Variants in ELF1 observed in about 807,000 individuals in gnomAD.
ELF1 encodes ETS-related transcription factor Elf-1.
A neutral mutation model predicts 59.9 loss-of-function variants in ELF1; 24 were observed. The ratio of observed to expected loss-of-function variants is 0.40; its 90% CI spans 0.29 to 0.56. The LOEUF (loss-of-function observed/expected upper bound fraction) is 0.56. Among genes scored for constraint, ELF1 ranks in the 20% least tolerant of loss-of-function variants. ELF1 has a pLI of 0.44. For synonymous variants in ELF1, 248 were observed against 266.2 expected (o/e 0.93, Z 0.67); for missense variants, 627 against 742.2 (o/e 0.84, Z 1.80).
intron 1 of ELF1, among the ~76,000 whole-genome samples, chr13:41,010,836 T>A (rs1875023115): frequency 1.3e-5 from 2 of 152,178 alleles, no homozygotes; most frequent in Admixed American, 1.3e-4. Context: ...TTTCCATTTG[T>A]TCTTTGTCCA....
At position 40,956,571 on chromosome 13, in the gene ELF1, CAAAAAAA is replaced by C. The variant is rs34245662; in HGVS notation, c.253+2258_253+2264del. Reference sequence around the variant, plus strand: ...TCTGCGAGAAACACCCAAGAATGATCAAAAAAAAAAAAAAAAAAAAAAAGAAAGTTGG... The same window carrying C: ...TCTGCGAGAAACACCCAAGAATGATCAAAAAAAAAAAAAAAAGAAAGTTGG... On this transcript the variant is annotated intron_variant, in intron 3 of 8. Transcript: ENST00000239882. 5.1e-3 allele frequency among the ~76,000 whole-genome samples: 389 copies of C among 76,164 alleles called. 6 individuals are homozygous for C. In the East Asian group the frequency reaches 0.071, roughly 14 times the overall value. The allele number at this position is 76,164 out of a possible 152,430, so 50.0% of individuals were successfully genotyped here.
At position 40,958,945 on chromosome 13, in the gene ELF1, A is replaced by G. The variant is rs374454604; in HGVS notation, c.144T>C (p.Tyr48=). 4.2e-5 allele frequency: 67 copies of G among 1,613,788 alleles called. No individual in the cohort carries two copies. The highest frequency in any genetic ancestry group is 5.5e-5 in the Non-Finnish European group (65 of 1,179,950). ...HVPGADILNS[Y]AGLACVEEPN... ...GCTCTTCCACACAGGCTAGACCGGCATAACTATTGAGAATATCAGCACCAG... is the reference window on the plus strand; with the variant it reads ...GCTCTTCCACACAGGCTAGACCGGCGTAACTATTGAGAATATCAGCACCAG... The change falls in exon 3 of 9, where the codon TAT becomes TAC. Residue 48 remains tyrosine (Y), a synonymous_variant. Coordinates refer to ENST00000239882, the MANE Select transcript of ELF1 (RefSeq NM_172373.4).
chr13:40,994,796 T>C (rs1230056339), intron 1 of ELF1, among the ~76,000 whole-genome samples: 1 of 152,208 alleles, frequency 6.6e-6, no homozygotes, highest in Non-Finnish European at 1.5e-5. Flanking sequence ...ACAAACAAGA[T>C]TTAACTTGCA....
chr13:41,010,051 GAA>G lies in ELF1; in HGVS notation c.-229+9175_-229+9176del, dbSNP rs140514209. ...GAGTCTTTTCTCAGAATAGCATATT[GAA>G]AAAAAAAAAAACTCCCTGGGATTTT... On this transcript the variant is annotated intron_variant, in intron 1 of 8. Transcript: ENST00000239882. Among the ~76,000 whole-genome samples the G allele has an allele frequency of 3.9e-4, 51 of 131,070 alleles. No individual in the cohort carries two copies. The East Asian group carries it at 9.3e-3, about 24-fold the overall frequency. 86.0% of individuals were successfully genotyped at this position (131,070 alleles called of 152,430 possible).
At chr13:40,971,505 C>T (rs1489065969) in intron 2 of ELF1, among the ~76,000 whole-genome samples, 3 of 152,210 alleles carry the variant, frequency 2.0e-5, no homozygotes, top group Non-Finnish European at 4.4e-5. Flanking sequence ...TCTGCCTTGG[C>T]TTCCCAGAGT....
chr13:40,947,600 C>T (rs571991200), intron 5 of ELF1, among the ~76,000 whole-genome samples: 89 of 152,262 alleles, frequency 5.8e-4, no homozygotes, highest in Middle Eastern at 3.4e-3. Flanking sequence ...TAGGAATTGC[C>T]AGCCAAGTAA....
intron 1 of ELF1, among the ~76,000 whole-genome samples, chr13:40,993,722 C>T (rs982214548): frequency 1.3e-5 from 2 of 152,060 alleles, no homozygotes; most frequent in African/African-American, 4.8e-5. Flanking sequence ...TGAGCTCAAG[C>T]AATCCTCCCG....
At chr13:40,939,238 C>T (rs903644685) in intron 8 of ELF1, among the ~76,000 whole-genome samples, 2 of 152,066 alleles carry the variant, frequency 1.3e-5, no homozygotes, top group African/African-American at 4.8e-5. Context: ...CTGCTTGAGT[C>T]CTGGAAGTAG....
rs1173202849 is a variant in ELF1 at position 41,019,245 on chromosome 13, C to G, written c.-246G>C. On this transcript the variant is annotated 5_prime_UTR_variant, in exon 1 of 9. Coordinates refer to ENST00000239882, the MANE Select transcript of ELF1 (RefSeq NM_172373.4). ...CAAGTTACCTTCAAGTATTCTTTCT[C>G]TATCGTCTTTTGAGCTTGAAAATAA... 1.0e-6 allele frequency: 1 copy of G among 985,330 alleles called. No individual in the cohort carries two copies. The highest frequency in any genetic ancestry group is 6.1e-5 in the Admixed American group (1 of 16,266). 61.0% of individuals were successfully genotyped at this position (985,330 alleles called of 1,614,324 possible).
At chr13:40,954,378 G>A (rs1001695695) in intron 3 of ELF1, among the ~76,000 whole-genome samples, 5 of 151,096 alleles carry the variant, frequency 3.3e-5, no homozygotes, top group African/African-American at 1.2e-4. Context: ...TCTTGTGACA[G>A]TGAATGAGTT....
At chr13:41,052,995 G>A (rs918162691) in intron 1 of ELF1, among the ~76,000 whole-genome samples, 12 of 152,074 alleles carry the variant, frequency 7.9e-5, no homozygotes, top group African/African-American at 2.9e-4. Flanking sequence ...AAATAAAACC[G>A]AACACTTAAA....
intron 1 of ELF1, among the ~76,000 whole-genome samples, chr13:40,983,724 A>T (rs1873409100): frequency 6.6e-6 from 1 of 152,168 alleles, no homozygotes; most frequent in Non-Finnish European, 1.5e-5. Flanking sequence ...TTGATCACAG[A>T]TAGATACATT....
chr13:40,983,063 G>A (rs1873370259), intron 1 of ELF1, among the ~76,000 whole-genome samples: 1 of 151,906 alleles, frequency 6.6e-6, no homozygotes, highest in Non-Finnish European at 1.5e-5. Flanking sequence ...AAGGGACAAA[G>A]GCTTTTAAAA....
intron 1 of ELF1, among the ~76,000 whole-genome samples, chr13:41,056,497 A>C (rs1326792737): frequency 2.6e-5 from 4 of 152,236 alleles, no homozygotes; most frequent in Non-Finnish European, 4.4e-5. Context: ...CACACCTAGG[A>C]GTGGAAATAC....
intron 1 of ELF1, among the ~76,000 whole-genome samples, chr13:41,013,100 T>A (rs1875172076): frequency 6.6e-6 from 1 of 152,154 alleles, no homozygotes; most frequent in South Asian, 2.1e-4. Flanking sequence ...CAACTGTCCA[T>A]CTGTTTAGGG....
upstream of ELF1, among the ~76,000 whole-genome samples, chr13:41,020,004 G>T (rs1381820437): frequency 2.6e-5 from 4 of 152,214 alleles, no homozygotes; most frequent in Non-Finnish European, 5.9e-5. Flanking sequence ...TTTTAAAAAA[G>T]TATTGGTACG....
At chr13:41,038,572 A>G (rs1264059903) in intron 1 of ELF1, among the ~76,000 whole-genome samples, 3 of 152,218 alleles carry the variant, frequency 2.0e-5, no homozygotes, top group Non-Finnish European at 4.4e-5. Context: ...AATTCAAAGC[A>G]AAAAAGTTTG....
At chr13:40,944,129 A>G (rs1301840433) in intron 5 of ELF1, among the ~76,000 whole-genome samples, 1 of 152,244 alleles carries the variant, frequency 6.6e-6, no homozygotes, top group African/African-American at 2.4e-5. Flanking sequence ...TAAACCATAA[A>G]CACACTTATG....
chr13:40,988,273 A>C (rs1873660868), intron 1 of ELF1, among the ~76,000 whole-genome samples: 1 of 152,228 alleles, frequency 6.6e-6, no homozygotes. Flanking sequence ...ATATTCACTG[A>C]AAAGAAAAAA....
Sources: gnomAD v4.1 joint callset for allele counts (sites outside exome capture counted in the v4.1 genomes callset) on GRCh38, gnomAD v4.1.1 for gene constraint, MANE v1.5 for transcripts, NCBI Gene and HGNC (gene_info 2026-07-23, HGNC 2026-07-21) for gene names.